PHLPP1: variants seen among roughly 807,000 people sequenced by gnomAD.
PHLPP1 encodes the protein PH domain and leucine rich repeat protein phosphatase 1.
Under a neutral mutation model 117.2 loss-of-function variants are expected in PHLPP1, and 42 were observed. The observed-to-expected ratio is 0.36, with a 90% CI of 0.28 to 0.46. The LOEUF is 0.46. Among genes scored for constraint, PHLPP1 ranks in the 20% least tolerant of loss-of-function variants. The pLI is 1.00. For synonymous variants in PHLPP1, 1,042 were observed against 970.7 expected, an observed-to-expected ratio of 1.07 and a Z score of -1.37; for missense variants, 2,084 against 2,241.9, an observed-to-expected ratio of 0.93 and a Z score of 1.42.
At chr18:62,879,306 C>T (rs1916118447) in intron 4 of PHLPP1, among the ~76,000 whole-genome samples, 1 of 152,100 alleles carries the variant, frequency 6.6e-6, no homozygotes, top group African/African-American at 2.4e-5. Context: ...GCAAGAAGGC[C>T]CTCAACAGAT....
chr18:62,978,277 G>A lies in PHLPP1; in HGVS notation c.4000G>A (p.Gly1334Arg), dbSNP rs775023451. The stretch of plus-strand genomic sequence containing the variant: ...GTTCTTCCAGGATGGCAAGGTGAAC[G>A]GAGTGACTGAGTCCACGCGCATCCT... ...AIITEDGKVNGVTESTRILGY... is the reference protein window; with the variant it reads ...AIITEDGKVNRVTESTRILGY... The change falls in exon 17 of 17, where the codon GGA becomes AGA. Residue 1334 changes from glycine (G) to arginine (R), a missense_variant. By Grantham distance (125) the Gly-to-Arg change is moderately radical (BLOSUM62 -2). Around this residue, in one of 2 missense-constraint regions of PHLPP1, gnomAD observed 1,365 missense variants for 1,605.9 expected, o/e 0.85. Coordinates refer to ENST00000262719, the MANE Select transcript of PHLPP1 (RefSeq NM_194449.4). The surrounding 1 kb of genome is among the most constrained non-coding windows in gnomAD (Gnocchi z 7.0). 1.3e-6 allele frequency: 2 copies of A among 1,599,828 alleles called. No homozygotes were observed. Among genetic ancestry groups the A allele is most frequent in the Non-Finnish European group, 1.7e-6 (2 of 1,169,472 alleles).
intron 10 of PHLPP1, among the ~76,000 whole-genome samples, chr18:62,923,175 T>C (rs1010546534): frequency 1.3e-5 from 2 of 152,134 alleles, no homozygotes; most frequent in Non-Finnish European, 1.5e-5. Flanking sequence ...GCTGCATTTT[T>C]GAAAACAGGG....
intron 14 of PHLPP1, among the ~76,000 whole-genome samples, chr18:62,968,067 C>T (rs1031451430): frequency 6.6e-6 from 1 of 152,198 alleles, no homozygotes; most frequent in African/African-American, 2.4e-5. Context: ...AAGTGATCTG[C>T]CCTCCTCTGC....
At position 62,941,869 on chromosome 18, in the gene PHLPP1, T is replaced by C; in HGVS notation, c.3112T>C (p.Leu1038=). 6.2e-7 allele frequency: 1 copy of C among 1,614,018 alleles called. No homozygotes were observed. The highest frequency in any genetic ancestry group is 2.2e-5 in the East Asian group (1 of 44,892). Residue 1038 remains leucine (L), a synonymous_variant, in exon 11 of 17, where the codon TTG becomes CTG. Coordinates refer to ENST00000262719, the MANE Select transcript of PHLPP1 (RefSeq NM_194449.4). ...GCCCTTGTTAACGGGACACCCCCAT[T>C]TGAAGATCCTTCACATGGCCTATAA... The part of the protein sequence containing the change: ...CVPLLTGHPH[L]KILHMAYNRL...
rs1443786624 is a variant in PHLPP1, at chr18:62,716,108, C to G, written c.425C>G (p.Ser142Trp). 7 of 1,506,418 alleles carry G rather than the reference C, an allele frequency of 4.6e-6. No homozygotes were observed. The Middle Eastern group carries it at 5.8e-4, about 124-fold the overall frequency. The allele number at this position is 1,506,418 out of a possible 1,614,324, so 93.3% of individuals were successfully genotyped here. Residue 142 changes from serine to tryptophan, a missense_variant, in exon 1 of 17, where the codon TCG (serine) becomes TGG (tryptophan). Ser to Trp is a radical substitution (Grantham distance 177). Transcript: ENST00000262719. This position sits in a 1 kb window ranked among gnomAD's most constrained non-coding sequence, Gnocchi z 5.7. ...GCCGCGGCCGCCTCCTCGTCGTCGT[C>G]GTCCTCGGCCGCTGCTGCCTCGCAC... ...AAAAAASSSS[S>W]SSAAAASHSP... is the part of the protein sequence containing the mutation.
intron 1 of PHLPP1, among the ~76,000 whole-genome samples, chr18:62,764,585 C>T (rs895904786): frequency 6.6e-6 from 1 of 151,600 alleles, no homozygotes; most frequent in Non-Finnish European, 1.5e-5. Context: ...AACCCCGTCT[C>T]TACTAAAAAT....
At chr18:62,927,111 C>T (rs898472444) in intron 10 of PHLPP1, among the ~76,000 whole-genome samples, 2 of 152,000 alleles carry the variant, frequency 1.3e-5, no homozygotes, top group South Asian at 4.2e-4. Flanking sequence ...AAAGAGGAAG[C>T]GAAGCAAATG....
At chr18:62,782,651 A>G (rs1350192846) in intron 1 of PHLPP1, among the ~76,000 whole-genome samples, 1 of 152,188 alleles carries the variant, frequency 6.6e-6, no homozygotes, top group African/African-American at 2.4e-5. Flanking sequence ...TACAGCAATA[A>G]TTTCAATAAT....
intron 10 of PHLPP1, among the ~76,000 whole-genome samples, chr18:62,921,536 T>C (rs147727302): frequency 9.9e-4 from 151 of 152,356 alleles, no homozygotes; most frequent in African/African-American, 3.5e-3. Flanking sequence ...CTCTCTCCAT[T>C]ATTAGATTAC....
intron 4 of PHLPP1, among the ~76,000 whole-genome samples, chr18:62,881,940 G>T (rs539466588): frequency 6.6e-6 from 1 of 152,186 alleles, no homozygotes; most frequent in Non-Finnish European, 1.5e-5. Context: ...TCTGAAGCAG[G>T]CACAATGAGC....
chr18:62,766,861 C>G (rs1912555857), intron 1 of PHLPP1, among the ~76,000 whole-genome samples: 1 of 152,090 alleles, frequency 6.6e-6, no homozygotes, highest in African/African-American at 2.4e-5. Flanking sequence ...ATCACTAACT[C>G]TTAAGAGTTA....
At chr18:62,965,452 CTTTTTTTTT>C (rs34187461) in intron 14 of PHLPP1, among the ~76,000 whole-genome samples, 2 of 76,144 alleles carry the variant, frequency 2.6e-5, no homozygotes, top group African/African-American at 5.6e-5. Context: ...TAATCAGCCT[CTTTTTTTTT>C]TTTTTTTTTT....
At chr18:62,903,578 G>A (rs1484140616) in intron 7 of PHLPP1, among the ~76,000 whole-genome samples, 19 of 151,950 alleles carry the variant, frequency 1.3e-4, no homozygotes, top group Admixed American at 1.1e-3. Context: ...TTTCATGTTT[G>A]ACTAACAAAG....
At chr18:62,898,236 A>G (rs1916618676) in intron 6 of PHLPP1, among the ~76,000 whole-genome samples, 1 of 152,180 alleles carries the variant, frequency 6.6e-6, no homozygotes, top group Non-Finnish European at 1.5e-5. Context: ...GGTTTTCCCT[A>G]TTCACACATT....
intron 3 of PHLPP1, among the ~76,000 whole-genome samples, chr18:62,859,636 A>G (rs933885310): frequency 1.3e-5 from 2 of 152,288 alleles, no homozygotes; most frequent in Admixed American, 1.3e-4. Context: ...TATTTGTGCT[A>G]TTTTAAATCA....
chr18:62,915,154 C>T (rs952599161), intron 9 of PHLPP1, 146 bp downstream of exon 9: 1 of 601,470 alleles, frequency 1.7e-6, no homozygotes, highest in Non-Finnish European at 2.9e-6. Context: ...GTGGTGTCTT[C>T]AAGTTACACA....
chr18:62,914,813 TATTTTATTTGAG>T (rs1204871814), intron 8 of PHLPP1, 88 bp from the exon 9 acceptor site: 2 of 764,656 alleles, frequency 2.6e-6, no homozygotes, highest in Non-Finnish European at 4.4e-6. Context: ...GGTACTTTGG[TATTTTATTTGAG>T]GTTTTATTTA....
chr18:62,883,898 A>G (rs140837405), intron 4 of PHLPP1, among the ~76,000 whole-genome samples: 34 of 152,282 alleles, frequency 2.2e-4, no homozygotes, highest in African/African-American at 7.7e-4. Flanking sequence ...TCAATTAAAA[A>G]TCTTTGAATT....
intron 1 of PHLPP1, among the ~76,000 whole-genome samples, chr18:62,718,295 C>T (rs1165166592): frequency 6.6e-6 from 1 of 152,160 alleles, no homozygotes; most frequent in Non-Finnish European, 1.5e-5. Context: ...GCTAACTTTA[C>T]GTTTTTAGGT....
Sources: allele counts gnomAD v4.1 joint callset (sites outside exome capture counted in the v4.1 genomes callset), GRCh38; gene constraint gnomAD v4.1.1; regional missense constraint gnomAD v4.1.1; non-coding constraint Gnocchi (gnomAD v3.1); transcripts MANE v1.5; gene names NCBI Gene and HGNC (gene_info 2026-07-23, HGNC 2026-07-21).